Variants in CPNE8 observed in about 807,000 individuals in gnomAD.
The protein encoded by CPNE8 is copine-8.
CPNE8 carries 45 observed loss-of-function variants against 81.5 expected under a neutral mutation model. That is an observed-to-expected ratio of 0.55 (90% CI 0.44 to 0.71). The LOEUF is 0.71. CPNE8 is among the 30% of genes least tolerant of loss of function. The pLI is 0.00. For missense variants in CPNE8, 594 were observed against 672.1 expected (o/e 0.88, Z 1.28); for synonymous variants, 252 against 226.3 (o/e 1.11, Z -1.02).
At chr12:38,700,388 G>T (rs1426009315) in intron 14 of CPNE8, among the ~76,000 whole-genome samples, 1 of 151,860 alleles carries the variant, frequency 6.6e-6, no homozygotes, top group East Asian at 1.9e-4. Flanking sequence ...ACAGGCGTGT[G>T]ACAACACGCC....
At chr12:38,859,047 G>T (rs1943789372) in intron 3 of CPNE8, among the ~76,000 whole-genome samples, 2 of 152,032 alleles carry the variant, frequency 1.3e-5, no homozygotes, top group African/African-American at 2.4e-5. Context: ...AAAAGGCAAA[G>T]ATGACAATTC....
At chr12:38,675,154 C>T (rs1366512879) in intron 18 of CPNE8, among the ~76,000 whole-genome samples, 1 of 152,192 alleles carries the variant, frequency 6.6e-6, no homozygotes, top group Non-Finnish European at 1.5e-5. Flanking sequence ...TATAAAGTCT[C>T]ATTAAATTTC....
chr12:38,755,419 T>C (rs1183831230), intron 10 of CPNE8, among the ~76,000 whole-genome samples: 1 of 152,182 alleles, frequency 6.6e-6, no homozygotes, highest in African/African-American at 2.4e-5. Flanking sequence ...GTTCCACTAA[T>C]GCTCCCTGAA....
rs923598683 is a variant in CPNE8 at position 38,793,087 on chromosome 12, G to T, written c.408-16786C>A. On this transcript the variant is annotated intron_variant, in intron 6 of 19. Transcript: ENST00000331366. ...AAGAAAATTACTTCAATATAAAAAA[G>T]GTGGTATATGAAAAGTCCACAGCAA... is the stretch of plus-strand genomic sequence containing the variant. Among the ~76,000 whole-genome samples the T allele has an allele frequency of 2.0e-5, 3 of 151,662 alleles. 1 individual carries two copies. The highest frequency in any genetic ancestry group is 2.0e-4 in the Admixed American group (3 of 15,214).
chr12:38,873,089 T>C (rs1315854935), intron 2 of CPNE8, 39 bp from the exon 3 acceptor site: 2 of 1,277,994 alleles, frequency 1.6e-6, no homozygotes, highest in Non-Finnish European at 2.2e-6. Flanking sequence ...TAAATGTCTT[T>C]TATGAAAATC....
At chr12:38,675,105 G>C (rs1186661685) in intron 18 of CPNE8, among the ~76,000 whole-genome samples, 1 of 152,150 alleles carries the variant, frequency 6.6e-6, no homozygotes, top group African/African-American at 2.4e-5. Flanking sequence ...CCTTGAGCCT[G>C]AATGAAAAAC....
intron 19 of CPNE8, among the ~76,000 whole-genome samples, chr12:38,655,856 T>C (rs1938804017): frequency 6.6e-6 from 1 of 152,096 alleles, no homozygotes. Flanking sequence ...TTTACCTTAT[T>C]TGTCTTTACA....
At position 38,748,694 on chromosome 12, in the gene CPNE8, G is replaced by A. The variant is rs577191178; in HGVS notation, c.722+12153C>T. Among the ~76,000 whole-genome samples the A allele has an allele frequency of 6.6e-5, 10 of 151,956 alleles. No individual in the cohort carries two copies. In the South Asian group the frequency reaches 1.5e-3, roughly 22 times the overall value. ...TTTTTTTTGTATTTTTAGTAGAGAC[G>A]GGGTTTCACAGTGTTAGCCAGGATG... On this transcript the variant is annotated intron_variant, in intron 10 of 19. Coordinates refer to ENST00000331366, the MANE Select transcript of CPNE8 (RefSeq NM_153634.3).
chr12:38,769,526 T>G (rs1565606030), intron 7 of CPNE8, among the ~76,000 whole-genome samples: 1 of 152,180 alleles, frequency 6.6e-6, no homozygotes, highest in Non-Finnish European at 1.5e-5. Context: ...TGAATGCCCC[T>G]TCATTTCCAT....
At chr12:38,689,394 C>T (rs1340999089) in intron 15 of CPNE8, among the ~76,000 whole-genome samples, 1 of 152,186 alleles carries the variant, frequency 6.6e-6, no homozygotes, top group African/African-American at 2.4e-5. Context: ...CTGTTGCTGC[C>T]TGCAGCCTGT....
rs61444154 is a variant in CPNE8, at chr12:38,814,309, C to CTTT, written c.407+15067_407+15069dup. Among the ~76,000 whole-genome samples the CTTT allele has an allele frequency of 4.8e-3, 238 of 49,190 alleles. 66 individuals carry two copies. Among genetic ancestry groups the CTTT allele is most frequent in the Non-Finnish European group, 6.7e-3 (192 of 28,844 alleles). The allele number at this position is 49,190 out of a possible 152,430, so 32.3% of individuals were successfully genotyped here. A position where few individuals can be genotyped will look rare whatever the true frequency, so the allele number is the denominator to read the frequency against. On this transcript the variant is annotated intron_variant, in intron 6 of 19. Coordinates refer to ENST00000331366, the MANE Select transcript of CPNE8 (RefSeq NM_153634.3). ...AGAAAGTTTAAGGAGCCAGACCTGG[C>CTTT]TTTTTTTTTTTTTTTTTTTTTTTTT... is the stretch of plus-strand genomic sequence containing the variant.
At chr12:38,752,558 T>A (rs529384724) in intron 10 of CPNE8, among the ~76,000 whole-genome samples, 12 of 152,272 alleles carry the variant, frequency 7.9e-5, no homozygotes, top group African/African-American at 2.9e-4. Flanking sequence ...TGATGGCAGA[T>A]AAATATTTTC....
intron 1 of CPNE8, among the ~76,000 whole-genome samples, chr12:38,899,024 T>A (rs1944424407): frequency 6.6e-6 from 1 of 152,184 alleles, no homozygotes; most frequent in African/African-American, 2.4e-5. Context: ...AGTTCCTAAC[T>A]GCAATATACC....
intron 1 of CPNE8, among the ~76,000 whole-genome samples, chr12:38,881,271 G>A (rs1944154214): frequency 6.6e-6 from 1 of 151,772 alleles, no homozygotes; most frequent in Admixed American, 6.6e-5. Context: ...AAGTCAGCTA[G>A]CATCTAAGAT....
At chr12:38,905,597 C>A (rs1164010259), upstream of CPNE8, 4 of 1,532,710 alleles carry the variant, frequency 2.6e-6, no homozygotes, top group East Asian at 4.9e-5. Flanking sequence ...GGACTGAGGG[C>A]TAGCTCCCGT....
chr12:38,722,180 T>C (rs1940582633), intron 13 of CPNE8, among the ~76,000 whole-genome samples: 1 of 152,316 alleles, frequency 6.6e-6, no homozygotes, highest in South Asian at 2.1e-4. Flanking sequence ...TTTACAGGAA[T>C]AAAATATATT....
chr12:38,675,088 G>T (rs138814611), intron 18 of CPNE8, among the ~76,000 whole-genome samples: 23 of 152,250 alleles, frequency 1.5e-4, no homozygotes, highest in African/African-American at 5.3e-4. Context: ...ATGGGCATTT[G>T]AACAAGCCTT....
chr12:38,890,967 C>A (rs1944306409), intron 1 of CPNE8, among the ~76,000 whole-genome samples: 2 of 151,306 alleles, frequency 1.3e-5, no homozygotes, highest in Admixed American at 1.3e-4. Context: ...CACTCTGTCA[C>A]CCAACCCAGA....
intron 16 of CPNE8, among the ~76,000 whole-genome samples, chr12:38,682,301 T>C (rs1262115453): frequency 6.6e-6 from 1 of 152,236 alleles, no homozygotes; most frequent in Non-Finnish European, 1.5e-5. Context: ...CTTACGCCTA[T>C]AATCCCAGCA....
Sources: gnomAD v4.1 joint callset for allele counts (sites outside exome capture counted in the v4.1 genomes callset) on GRCh38, gnomAD v4.1.1 for gene constraint, MANE v1.5 for transcripts, NCBI Gene and HGNC (gene_info 2026-07-23, HGNC 2026-07-21) for gene names.